ZNF48: variants seen among roughly 807,000 people sequenced by gnomAD.
ZNF48 encodes the protein zinc finger protein 553.
Under a neutral mutation model 40.0 loss-of-function variants are expected in ZNF48, and 20 were observed. That is an observed-to-expected ratio of 0.50 (90% CI 0.35 to 0.73). ZNF48 has a LOEUF of 0.73. Among genes scored for constraint, ZNF48 ranks in the 30% least tolerant of loss-of-function variants. The probability of loss-of-function intolerance (pLI) is 0.01; values close to 1 mark genes in which losing one functional copy is unlikely to be tolerated. For missense variants in ZNF48, 726 were observed against 851.9 expected (o/e 0.85, Z 1.84); for synonymous variants, 298 against 329.7 (o/e 0.90, Z 1.04).
chr16:30,378,847 AGAGAGGGG>A, intron 1 of ZNF48: 1 of 530,494 alleles, frequency 1.9e-6, no homozygotes, highest in Non-Finnish European at 3.1e-6. Context: ...GCGGGTGGGG[AGAGAGGGG>A]GAGAGAGGGA....
Position 30,381,597 on chromosome 16 carries a change from T to C in ZNF48, c.-16+3187T>C, listed in dbSNP as rs572186967. On this transcript the variant is annotated intron_variant, in intron 1 of 2. Coordinates refer to the ZNF48 transcript ENST00000528032. The surrounding 1 kb of genome is among the most constrained non-coding windows in gnomAD (Gnocchi z 4.3). ...TCCCTCCAAAGACATTAAGGGGAAC[T>C]GGTGGGGGCCTAGGTGAGTCATCAA... is the stretch of plus-strand genomic sequence containing the variant. 8.9e-6 allele frequency: 13 copies of C among 1,464,076 alleles called. No individual in the cohort carries two copies. The African/African-American group carries it at 1.4e-4, about 16-fold the overall frequency. 90.7% of individuals were successfully genotyped at this position (1,464,076 alleles called of 1,614,324 possible).
chr16:30,395,945 G>C lies in ZNF48; in HGVS notation c.79+72G>C. ...GGGACTGCGATGCTTGGCTGTGGCC[G>C]GCCGAGATCCTGGAAGATCGGACGT... On this transcript the variant is annotated intron_variant, in intron 2 of 2. Transcript: ENST00000613509. This position sits in a 1 kb window ranked among gnomAD's most constrained non-coding sequence, Gnocchi z 5.9. The C allele has an allele frequency of 7.1e-7, 1 of 1,411,114 alleles. No homozygotes were observed. The allele number at this position is 1,411,114 out of a possible 1,614,324, so 87.4% of individuals were successfully genotyped here. A position where few individuals can be genotyped will look rare whatever the true frequency, so the allele number is the denominator to read the frequency against.
In ZNF48 at chr16:30,397,714, G is replaced by A. The variant is rs1218939809; in HGVS notation, c.464G>A (p.Arg155Gln). The change falls in exon 3 of 3, where the codon CGG becomes CAG. Residue 155 changes from arginine (R) to glutamine (Q), a missense_variant. By Grantham distance (43) the Arg-to-Gln change is conservative. Transcript: ENST00000613509. This position sits in a 1 kb window ranked among gnomAD's most constrained non-coding sequence, Gnocchi z 4.1. ...AAGGGCTTTGGGGATAGCTCTGCCC[G>A]GATCAAACACCAGCGGACTCATAGT... ...CGKGFGDSSA[R>Q]IKHQRTHSGE... 4.3e-6 allele frequency: 7 copies of A among 1,613,784 alleles called. No homozygotes were observed. Among genetic ancestry groups the A allele is most frequent in the African/African-American group, 1.3e-5 (1 of 74,836 alleles).
At chr16:30,395,096 C>G (rs1427025399), upstream of ZNF48, 2 of 394,794 alleles carry the variant, frequency 5.1e-6, no homozygotes, top group African/African-American at 2.1e-5. The surrounding 1 kb of genome is among the most constrained non-coding windows in gnomAD (Gnocchi z 5.9). Context: ...TCCCCGGGTC[C>G]GTCTTTGGAT....
At position 30,398,087 on chromosome 16, in the gene ZNF48, T is replaced by C. The variant is rs1243868621; in HGVS notation, c.837T>C (p.Asp279=). Residue 279 remains aspartate, a synonymous_variant, in exon 3 of 3, where the codon GAT becomes GAC. Coordinates refer to ENST00000613509, the MANE Select transcript of ZNF48 (RefSeq NM_001214909.2). This position sits in a 1 kb window ranked among gnomAD's most constrained non-coding sequence, Gnocchi z 6.6. ...KAQDKPYICT[D]CGKRFVLSCS... ...AGGACAAGCCATATATCTGCACTGA[T>C]TGCGGCAAGAGGTTTGTGCTCAGCT... The C allele has an allele frequency of 6.2e-7, 1 of 1,613,454 alleles. No homozygotes were observed. Among genetic ancestry groups the C allele is most frequent in the South Asian group, 1.1e-5 (1 of 91,008 alleles).
chr16:30,389,308 G>A (rs370602170), intron 1 of ZNF48, among the ~76,000 whole-genome samples: 6 of 151,278 alleles, frequency 4.0e-5, no homozygotes, highest in South Asian at 4.2e-4. Flanking sequence ...GGAGAATGGC[G>A]TGAACCCGGG....
chr16:30,393,133 A>G (rs1452705964), upstream of ZNF48, among the ~76,000 whole-genome samples: 2 of 151,472 alleles, frequency 1.3e-5, no homozygotes, highest in Admixed American at 6.6e-5. Context: ...CTGGAGTGCA[A>G]TGGCGCGATC....
At chr16:30,394,017 C>T (rs941732732), upstream of ZNF48, among the ~76,000 whole-genome samples, 2 of 151,980 alleles carry the variant, frequency 1.3e-5, no homozygotes, top group Admixed American at 1.3e-4. Context: ...TGGGCCCAGC[C>T]CATTCTCTCT....
At chr16:30,392,048 C>G (rs953720564), upstream of ZNF48, among the ~76,000 whole-genome samples, 2 of 151,892 alleles carry the variant, frequency 1.3e-5, no homozygotes, top group Non-Finnish European at 2.9e-5. Context: ...CCTGAGGCGG[C>G]GTATCGCTCT....
At position 30,382,998 on chromosome 16, in the gene ZNF48, G is replaced by A. The variant is rs1009096493; in HGVS notation, c.-16+4588G>A. On this transcript the variant is annotated intron_variant, in intron 1 of 2. Coordinates refer to the ZNF48 transcript ENST00000528032. This position sits in a 1 kb window ranked among gnomAD's most constrained non-coding sequence, Gnocchi z 4.8. ...AGACCAGCCTGGGCAACAGAGGGAC[G>A]TGCCCCTCTACCATCTCTACAAAAC... is the stretch of plus-strand genomic sequence containing the variant. The A allele has an allele frequency of 1.7e-5, 10 of 598,328 alleles. No homozygotes were observed. In the East Asian group the frequency reaches 1.7e-4, roughly 10 times the overall value. 37.1% of individuals were successfully genotyped at this position (598,328 alleles called of 1,614,324 possible). A position where few individuals can be genotyped will look rare whatever the true frequency, so the allele number is the denominator to read the frequency against.
intron 1 of ZNF48, among the ~76,000 whole-genome samples, chr16:30,384,521 TCAAAAAA>T (rs2049885509): frequency 6.6e-6 from 1 of 150,782 alleles, no homozygotes; most frequent in Non-Finnish European, 1.5e-5. Flanking sequence ...AGACTCCGTC[TCAAAAAA>T]CAAAAAACAA....
At chr16:30,387,359 AG>A (rs2049910051) in intron 1 of ZNF48, among the ~76,000 whole-genome samples, 1 of 147,124 alleles carries the variant, frequency 6.8e-6, no homozygotes, top group Admixed American at 6.7e-5. Flanking sequence ...GTTCAAGGCC[AG>A]CCTGGCCAAC....
At chr16:30,389,253 G>A (rs988480501) in intron 1 of ZNF48, among the ~76,000 whole-genome samples, 3 of 151,616 alleles carry the variant, frequency 2.0e-5, no homozygotes, top group Non-Finnish European at 4.4e-5. Context: ...TTAGCTGGGC[G>A]TGGTAGTGGG....
Position 30,382,721 on chromosome 16 carries a change from A to C in ZNF48, c.-16+4311A>C, listed in dbSNP as rs1209966638. 4 of 1,535,854 alleles carry C rather than the reference A, an allele frequency of 2.6e-6. No homozygotes were observed. The Admixed American group carries it at 5.9e-5, about 23-fold the overall frequency. ...CACCTCCTGGACCCCTTTGCCCATC[A>C]CCTGTCTACGTACCTTCAACCCTCC... On this transcript the variant is annotated intron_variant, in intron 1 of 2. Coordinates refer to the ZNF48 transcript ENST00000528032. The surrounding 1 kb of genome is among the most constrained non-coding windows in gnomAD (Gnocchi z 4.8).
chr16:30,392,645 C>T (rs1241377021), upstream of ZNF48, among the ~76,000 whole-genome samples: 1 of 152,172 alleles, frequency 6.6e-6, no homozygotes, highest in Non-Finnish European at 1.5e-5. Context: ...GTTATCATCC[C>T]TATTTTACAG....
In ZNF48 at chr16:30,382,795, G is replaced by A. The variant is rs2049869288; in HGVS notation, c.-16+4385G>A. ...AGTCCCACTGTAGCTCCATCATCGT[G>A]GTGAGACATGGGGTATGTGCAGAGA... On this transcript the variant is annotated intron_variant, in intron 1 of 2. Coordinates refer to the ZNF48 transcript ENST00000528032. The surrounding 1 kb of genome is among the most constrained non-coding windows in gnomAD (Gnocchi z 4.8). 4.6e-6 allele frequency: 7 copies of A among 1,535,518 alleles called. No homozygotes were observed. The highest frequency in any genetic ancestry group is 1.4e-5 in the African/African-American group (1 of 73,150).
chr16:30,395,177 G>T (rs1000165138), upstream of ZNF48: 1 of 454,362 alleles, frequency 2.2e-6, no homozygotes, highest in Non-Finnish European at 4.4e-6. This position sits in a 1 kb window ranked among gnomAD's most constrained non-coding sequence, Gnocchi z 5.9. Flanking sequence ...CGGCGCGGGT[G>T]GCTGGAGACA....
At position 30,398,530 on chromosome 16, in the gene ZNF48, C is replaced by T. The variant is rs1310446489; in HGVS notation, c.1280C>T (p.Pro427Leu). 1.9e-6 allele frequency: 3 copies of T among 1,604,678 alleles called. No individual in the cohort carries two copies. The highest frequency in any genetic ancestry group is 1.7e-4 in the Middle Eastern group (1 of 6,038). The change falls in exon 3 of 3, where the codon CCT becomes CTT. Residue 427 changes from proline (P) to leucine (L), a missense_variant. Pro to Leu is a moderately conservative substitution (Grantham distance 98). Coordinates refer to ENST00000613509, the MANE Select transcript of ZNF48 (RefSeq NM_001214909.2). The surrounding 1 kb of genome is among the most constrained non-coding windows in gnomAD (Gnocchi z 6.6). ...PSHSGEPFGL[P>L]GLEPEPGGPQ... is the part of the protein sequence containing the mutation. The stretch of plus-strand genomic sequence containing the variant: ...CACTCGGGTGAGCCTTTTGGCCTGC[C>T]TGGCTTGGAGCCAGAGCCTGGGGGC...
At chr16:30,379,458 C>T (rs775891343) in intron 1 of ZNF48, 7 of 1,613,702 alleles carry the variant, frequency 4.3e-6, no homozygotes, top group Admixed American at 1.7e-5. Context: ...CCAGGAGTAG[C>T]GGCGTCCCCT....
Sources: gnomAD v4.1 joint callset for allele counts (sites outside exome capture counted in the v4.1 genomes callset) on GRCh38, gnomAD v4.1.1 for gene constraint, Gnocchi (gnomAD v3.1) non-coding constraint, MANE v1.5 for transcripts, NCBI Gene and HGNC (gene_info 2026-07-23, HGNC 2026-07-21) for gene names.